Variants in GLP2R observed in about 807,000 individuals in gnomAD.
The protein encoded by GLP2R is glucagon like peptide 2 receptor.
GLP2R carries 59 observed loss-of-function variants against 68.2 expected under a neutral mutation model. The observed-to-expected ratio is 0.87, with a 90% CI of 0.70 to 1.07. GLP2R has a LOEUF of 1.07. Ranked by LOEUF, GLP2R falls within the 50% of genes least tolerant of loss-of-function variation. The pLI, the probability that GLP2R is intolerant of heterozygous loss-of-function variation, is 0.00. For missense variants in GLP2R, 548 were observed against 677.4 expected, an observed-to-expected ratio of 0.81 and a Z score of 2.12; for synonymous variants, 270 against 265.4, an observed-to-expected ratio of 1.02 and a Z score of -0.17.
chr17:9,835,883 A>G (rs2066724819), intron 2 of GLP2R, among the ~76,000 whole-genome samples: 1 of 152,096 alleles, frequency 6.6e-6, no homozygotes. Context: ...TACTAAAAAT[A>G]CAAAAATTAG....
At chr17:9,878,387 C>T (rs914260447) in intron 10 of GLP2R, among the ~76,000 whole-genome samples, 1 of 152,220 alleles carries the variant, frequency 6.6e-6, no homozygotes, top group Non-Finnish European at 1.5e-5. Flanking sequence ...AGGTCAGTTA[C>T]TATCCATGGT....
At position 9,890,000 on chromosome 17, in the gene GLP2R, A is replaced by G. The variant is rs926741212; in HGVS notation, c.*295A>G. Reference sequence around the variant, plus strand: ...AAATTCAAGCCAATGAAGTCCCACCATGAAGAGAGGTCTCCTGTTATAGAG... The same window carrying G: ...AAATTCAAGCCAATGAAGTCCCACCGTGAAGAGAGGTCTCCTGTTATAGAG... On this transcript the variant is annotated 3_prime_UTR_variant, in exon 13 of 13. Transcript: ENST00000262441. The G allele has an allele frequency of 4.1e-5, 21 of 511,060 alleles. No homozygotes were observed. Among genetic ancestry groups the G allele is most frequent in the Admixed American group, 2.0e-4 (9 of 44,018 alleles). 31.7% of individuals were successfully genotyped at this position (511,060 alleles called of 1,614,324 possible). A position where few individuals can be genotyped will look rare whatever the true frequency, so the allele number is the denominator to read the frequency against.
chr17:9,875,854 T>C (rs1227421267), intron 10 of GLP2R, among the ~76,000 whole-genome samples: 1 of 152,228 alleles, frequency 6.6e-6, no homozygotes, highest in Admixed American at 6.5e-5. Context: ...TCTTGATTCA[T>C]TTATAAAGGA....
intron 11 of GLP2R, among the ~76,000 whole-genome samples, chr17:9,886,790 A>G (rs887647827): frequency 3.3e-5 from 5 of 152,240 alleles, no homozygotes; most frequent in Admixed American, 1.3e-4. Context: ...AGCCTTCCCC[A>G]GTGCCACATT....
intron 10 of GLP2R, among the ~76,000 whole-genome samples, chr17:9,872,374 C>G (rs534969322): frequency 1.3e-3 from 203 of 152,220 alleles, no homozygotes; most frequent in Non-Finnish European, 2.4e-3. Flanking sequence ...GTCAGGAGTT[C>G]AAGACTAGCC....
rs1364077990 is a variant in GLP2R at position 9,890,002 on chromosome 17, G to T, written c.*297G>T. ...ATTCAAGCCAATGAAGTCCCACCAT[G>T]AAGAGAGGTCTCCTGTTATAGAGAA... On this transcript the variant is annotated 3_prime_UTR_variant, in exon 13 of 13. Transcript: ENST00000262441. 2.0e-6 allele frequency: 1 copy of T among 510,642 alleles called. No homozygotes were observed. Among genetic ancestry groups the T allele is most frequent in the Non-Finnish European group, 3.8e-6 (1 of 262,964 alleles). The allele number at this position is 510,642 out of a possible 1,614,324, so 31.6% of individuals were successfully genotyped here.
At chr17:9,847,589 C>T (rs1015982563) in intron 4 of GLP2R, among the ~76,000 whole-genome samples, 12 of 152,070 alleles carry the variant, frequency 7.9e-5, no homozygotes, top group African/African-American at 2.9e-4. Flanking sequence ...TTTAAGAATG[C>T]TCATGTTTTG....
chr17:9,866,016 T>G, intron 9 of GLP2R: 2 of 431,652 alleles, frequency 4.6e-6, no homozygotes, highest in South Asian at 3.5e-5. Context: ...CTAAACCTGC[T>G]GCCCTCCCAA....
rs17681738 is a variant in GLP2R at position 9,889,923 on chromosome 17, C to G, written c.*218C>G. ...CTGCCTGCTCTTCTCATCCTAATAA[C>G]CCCCACCAGTGTGTTTTCCACAATG... On this transcript the variant is annotated 3_prime_UTR_variant, in exon 13 of 13. Coordinates refer to ENST00000262441, the MANE Select transcript of GLP2R (RefSeq NM_004246.3). 1 of 624,878 alleles carries G rather than the reference C, an allele frequency of 1.6e-6. No homozygotes were observed. The highest frequency in any genetic ancestry group is 3.0e-6 in the Non-Finnish European group (1 of 336,452). The allele number at this position is 624,878 out of a possible 1,614,324, so 38.7% of individuals were successfully genotyped here. A position where few individuals can be genotyped will look rare whatever the true frequency, so the allele number is the denominator to read the frequency against.
chr17:9,846,955 G>T (rs1025591380), intron 4 of GLP2R, among the ~76,000 whole-genome samples: 1 of 152,238 alleles, frequency 6.6e-6, no homozygotes, highest in East Asian at 1.9e-4. Flanking sequence ...TGGTGTAGGT[G>T]TGTTAGTAAA....
At chr17:9,868,349 C>T (rs1307361332) in intron 9 of GLP2R, among the ~76,000 whole-genome samples, 1 of 152,128 alleles carries the variant, frequency 6.6e-6, no homozygotes, top group Non-Finnish European at 1.5e-5. Context: ...CCCTGAGCTC[C>T]CGCTATACCG....
chr17:9,882,663 T>C (rs139368569), intron 11 of GLP2R, among the ~76,000 whole-genome samples: 114 of 152,382 alleles, frequency 7.5e-4, no homozygotes, highest in Middle Eastern at 3.4e-3. Context: ...GGAAGTCTTA[T>C]GGGCTTGAGG....
intron 9 of GLP2R, among the ~76,000 whole-genome samples, chr17:9,862,744 A>C (rs2066998141): frequency 6.6e-6 from 1 of 152,214 alleles, no homozygotes. Context: ...GCAAGATCCC[A>C]GAGGGAGGCG....
intron 11 of GLP2R, among the ~76,000 whole-genome samples, chr17:9,885,426 T>C (rs2067235123): frequency 6.6e-6 from 1 of 151,978 alleles, no homozygotes; most frequent in Non-Finnish European, 1.5e-5. Flanking sequence ...TTTTGATACA[T>C]GTGATTTTCG....
chr17:9,847,184 A>G (rs1001603836), intron 4 of GLP2R, among the ~76,000 whole-genome samples: 1 of 152,240 alleles, frequency 6.6e-6, no homozygotes, highest in African/African-American at 2.4e-5. Flanking sequence ...ACATGTAGAA[A>G]TGTAATTAGG....
intron 1 of GLP2R, among the ~76,000 whole-genome samples, chr17:9,827,717 C>T (rs930207969): frequency 2.0e-5 from 3 of 152,142 alleles, no homozygotes; most frequent in African/African-American, 7.2e-5. Flanking sequence ...AACCCCAACA[C>T]TTTGGGAGGC....
chr17:9,858,914 G>T (rs2066958266), intron 6 of GLP2R, among the ~76,000 whole-genome samples: 1 of 152,058 alleles, frequency 6.6e-6, no homozygotes, highest in Non-Finnish European at 1.5e-5. Context: ...ACTTTTCAAA[G>T]AATAAACTTT....
intron 4 of GLP2R, among the ~76,000 whole-genome samples, chr17:9,847,658 T>C (rs1416072794): frequency 6.6e-6 from 1 of 152,188 alleles, no homozygotes; most frequent in Non-Finnish European, 1.5e-5. Flanking sequence ...ACCGTACCAC[T>C]GGGTCTACCA....
chr17:9,864,519 GT>G (rs938131956), intron 9 of GLP2R, among the ~76,000 whole-genome samples: 1 of 151,200 alleles, frequency 6.6e-6, no homozygotes, highest in African/African-American at 2.4e-5. Flanking sequence ...TGTTTGTTTT[GT>G]TTTTTGTTTT....
Sources: gnomAD v4.1 joint callset for allele counts (sites outside exome capture counted in the v4.1 genomes callset) on GRCh38, gnomAD v4.1.1 for gene constraint, MANE v1.5 for transcripts, NCBI Gene and HGNC (gene_info 2026-07-23, HGNC 2026-07-21) for gene names.